TFDP1: variants seen among roughly 807,000 people sequenced by gnomAD.
The protein encoded by TFDP1 is transcription factor Dp-1, also known as DRTF1-polypeptide 1.
Under a neutral mutation model 48.0 loss-of-function variants are expected in TFDP1, and 6 were observed. That is an observed-to-expected ratio of 0.13 (90% CI 0.07 to 0.25). The LOEUF is 0.25. TFDP1 is among the 10% of genes least tolerant of loss of function. The pLI is 1.00. For synonymous variants in TFDP1, 201 were observed against 211.6 expected (o/e 0.95, Z 0.44); for missense variants, 335 against 543.0 (o/e 0.62, Z 3.81).
chr13:113,597,103 C>T (rs972840495), intron 2 of TFDP1, among the ~76,000 whole-genome samples: 50 of 152,168 alleles, frequency 3.3e-4, no homozygotes, highest in Non-Finnish European at 6.2e-4. Context: ...GTTCTGACCC[C>T]AGGCCACCCT....
At chr13:113,587,777 T>G (rs1471027920) in intron 2 of TFDP1, among the ~76,000 whole-genome samples, 1 of 152,104 alleles carries the variant, frequency 6.6e-6, no homozygotes, top group East Asian at 1.9e-4. Flanking sequence ...CTAACTCTTT[T>G]AAGTAGAGGT....
chr13:113,637,636 T>C, intron 10 of TFDP1, 182 bp from the exon 11 acceptor site: 1 of 1,536,766 alleles, frequency 6.5e-7, no homozygotes, highest in African/African-American at 1.4e-5. Flanking sequence ...CAGGCTTATG[T>C]GACTGCACAG....
rs2001275 is a variant in TFDP1 at position 113,607,493 on chromosome 13, C to T, written c.13-3503C>T. On this transcript the variant is annotated intron_variant, in intron 2 of 11. Transcript: ENST00000375370. This position sits in a 1 kb window ranked among gnomAD's most constrained non-coding sequence, Gnocchi z 5.2. ...ACAGTTGGAACCACAGACGATGCCA[C>T]GCTTGTGTCAGCAGTGCGACACTGG... Among the ~76,000 whole-genome samples, 64,617 of 152,146 alleles carry T rather than the reference C, an allele frequency of 0.42. 14,581 individuals carry two copies. Among genetic ancestry groups the T allele is most frequent in the African/African-American group, 0.57 (23,515 of 41,494 alleles).
In TFDP1 at chr13:113,602,970, T is replaced by TA. The variant is rs113416797; in HGVS notation, c.13-8010dup. On this transcript the variant is annotated intron_variant, in intron 2 of 11. Transcript: ENST00000375370. ...AGAATAACACTAACAATAGTTGAGCTAAAAAAAAAAAAAAAACGTATAATT... is the reference window on the plus strand; with the variant it reads ...AGAATAACACTAACAATAGTTGAGCTAAAAAAAAAAAAAAAAACGTATAATT... Among the ~76,000 whole-genome samples the TA allele has an allele frequency of 8.2e-3, 554 of 67,176 alleles. 4 individuals carry two copies. Among genetic ancestry groups the TA allele is most frequent in the Middle Eastern group, 0.066 (8 of 122 alleles). 44.1% of individuals were successfully genotyped at this position (67,176 alleles called of 152,430 possible).
chr13:113,616,918 G>A (rs113531690), intron 3 of TFDP1, among the ~76,000 whole-genome samples: 13 of 152,288 alleles, frequency 8.5e-5, no homozygotes, highest in East Asian at 5.8e-4. Flanking sequence ...TTTTTAACCC[G>A]AAGGATGTTA....
intron 2 of TFDP1, among the ~76,000 whole-genome samples, chr13:113,593,764 G>C (rs569328680): frequency 7.7e-5 from 10 of 130,672 alleles, no homozygotes; most frequent in South Asian, 2.6e-4. Context: ...GTCCTCAGCC[G>C]TGCCCAGGTG....
At position 113,611,053 on chromosome 13, in the gene TFDP1, C is replaced by T. The variant is rs1052162390; in HGVS notation, c.70C>T (p.Pro24Ser). 6.2e-7 allele frequency: 1 copy of T among 1,614,056 alleles called. No homozygotes were observed. Among genetic ancestry groups the T allele is most frequent in the Middle Eastern group, 1.7e-4 (1 of 6,056 alleles). ...LKVFIDQNLS[P>S]GKGVVSLVAV... ...GGTCTTCATAGACCAGAACCTTAGT[C>T]CCGGGAAAGGTAAGGGCACCTGTTC... Residue 24 changes from proline to serine, a missense_variant, in exon 3 of 12, where the codon CCC becomes TCC. Coordinates refer to ENST00000375370, the MANE Select transcript of TFDP1 (RefSeq NM_007111.5).
At chr13:113,635,525 T>C (rs4150804) in intron 8 of TFDP1, among the ~76,000 whole-genome samples, 75,780 of 152,096 alleles carry the variant, frequency 0.5, 21,838 homozygotes, top group African/African-American at 0.8. Flanking sequence ...TTGCAGGGCC[T>C]ATTCCCCCAG....
chr13:113,603,867 CAT>C (rs1250149891), intron 2 of TFDP1, among the ~76,000 whole-genome samples: 1 of 152,120 alleles, frequency 6.6e-6, no homozygotes, highest in East Asian at 1.9e-4. Context: ...GTCCAGTGCA[CAT>C]GTCTTAAAAT....
chr13:113,601,196 T>C (rs979686602), intron 2 of TFDP1, among the ~76,000 whole-genome samples: 2 of 152,178 alleles, frequency 1.3e-5, no homozygotes, highest in Non-Finnish European at 2.9e-5. Flanking sequence ...GTCTCCTGCC[T>C]GGACTTAGCA....
chr13:113,604,108 C>G (rs2048505771), intron 2 of TFDP1, among the ~76,000 whole-genome samples: 2 of 146,886 alleles, frequency 1.4e-5, no homozygotes, highest in African/African-American at 5.1e-5. Context: ...CTGCAGTGAG[C>G]TGAGATCTTA....
chr13:113,599,601 C>T (rs920916557), intron 2 of TFDP1, among the ~76,000 whole-genome samples: 11 of 152,076 alleles, frequency 7.2e-5, no homozygotes, highest in Admixed American at 1.3e-4. Flanking sequence ...TGAGGGCACG[C>T]GGGTGTAGTC....
At chr13:113,588,882 T>C (rs994083267) in intron 2 of TFDP1, among the ~76,000 whole-genome samples, 2 of 149,704 alleles carry the variant, frequency 1.3e-5, no homozygotes, top group African/African-American at 5.0e-5. Context: ...GATGGTGGTG[T>C]AGGTGGAGAG....
At position 113,640,941 on chromosome 13, in the gene TFDP1, G is replaced by T. The variant is rs1207450397; in HGVS notation, c.*674G>T. On this transcript the variant is annotated 3_prime_UTR_variant, in exon 12 of 12. Transcript: ENST00000375370. ...GCTTTTGTTTGTTTGTTTTCGTTTG[G>T]TTAAAGCTTATTGCCATGCTGGTGC... 1 of 152,854 alleles carries T rather than the reference G, an allele frequency of 6.5e-6. No individual in the cohort carries two copies. Among genetic ancestry groups the T allele is most frequent in the Non-Finnish European group, 1.5e-5 (1 of 68,262 alleles). 9.5% of individuals were successfully genotyped at this position (152,854 alleles called of 1,614,324 possible).
intron 8 of TFDP1, 139 bp from the exon 9 acceptor site, chr13:113,635,838 G>A (rs1298054823): frequency 1.4e-5 from 13 of 952,074 alleles, no homozygotes; most frequent in Middle Eastern, 3.4e-4. Flanking sequence ...AGCACCCAGC[G>A]GCCGGCGCTG....
chr13:113,597,088 G>A (rs967864387), intron 2 of TFDP1, among the ~76,000 whole-genome samples: 1 of 152,110 alleles, frequency 6.6e-6, no homozygotes, highest in African/African-American at 2.4e-5. Context: ...CGGGGTTGCC[G>A]CTCCGTTCTG....
chr13:113,600,189 C>T (rs1329163623), intron 2 of TFDP1, among the ~76,000 whole-genome samples: 2 of 143,640 alleles, frequency 1.4e-5, no homozygotes, highest in African/African-American at 2.6e-5. Context: ...AATCCTTGCA[C>T]GTAGGGCTCC....
At chr13:113,585,918 T>A in intron 2 of TFDP1, 69 bp downstream of exon 2, 1 of 1,532,796 alleles carries the variant, frequency 6.5e-7, no homozygotes, top group Non-Finnish European at 9.0e-7. Flanking sequence ...GTTCTCTGCC[T>A]TTATTTCAGA....
intron 4 of TFDP1, among the ~76,000 whole-genome samples, chr13:113,630,705 A>G (rs2049311957): frequency 6.6e-6 from 1 of 152,230 alleles, no homozygotes; most frequent in African/African-American, 2.4e-5. Flanking sequence ...AGATCTTTGA[A>G]AAGTCAGAGT....
Sources: gnomAD v4.1 joint callset for allele counts (sites outside exome capture counted in the v4.1 genomes callset) on GRCh38, gnomAD v4.1.1 for gene constraint, Gnocchi (gnomAD v3.1) non-coding constraint, MANE v1.5 for transcripts, NCBI Gene and HGNC (gene_info 2026-07-23, HGNC 2026-07-21) for gene names.